Variants in TBC1D4 observed in about 807,000 individuals in gnomAD.
The protein encoded by TBC1D4 is TBC (Tre-2, BUB2, CDC16) domain-containing protein.
Under a neutral mutation model 142.5 loss-of-function variants are expected in TBC1D4, and 121 were observed. The ratio of observed to expected loss-of-function variants is 0.85; its 90% CI spans 0.73 to 0.99. The LOEUF (loss-of-function observed/expected upper bound fraction) is 0.99. Among genes scored for constraint, TBC1D4 ranks in the 50% least tolerant of loss-of-function variants. The pLI is 0.00. For missense variants in TBC1D4, 1,475 were observed against 1,606.6 expected (o/e 0.92, Z 1.40); for synonymous variants, 630 against 628.2 (o/e 1.00, Z -0.04).
intron 1 of TBC1D4, among the ~76,000 whole-genome samples, chr13:75,442,476 T>C (rs1041520647): frequency 3.3e-5 from 5 of 152,054 alleles, no homozygotes; most frequent in African/African-American, 1.2e-4. Flanking sequence ...TGGAATCATA[T>C]AGTCTAAAAC....
At chr13:75,455,582 C>G (rs942604778) in intron 1 of TBC1D4, among the ~76,000 whole-genome samples, 5 of 151,964 alleles carry the variant, frequency 3.3e-5, no homozygotes, top group African/African-American at 1.2e-4. Flanking sequence ...AAAATATATA[C>G]TTTTTTTAAT....
chr13:75,377,592 G>A (rs917471702), intron 1 of TBC1D4, among the ~76,000 whole-genome samples: 25 of 151,090 alleles, frequency 1.7e-4, no homozygotes, highest in South Asian at 2.1e-4. Context: ...CAAGACATTC[G>A]GTTACTCTAC....
At chr13:75,295,324 G>C (rs1018664327) in intron 17 of TBC1D4, among the ~76,000 whole-genome samples, 1 of 152,096 alleles carries the variant, frequency 6.6e-6, no homozygotes, top group Non-Finnish European at 1.5e-5. Flanking sequence ...AATTTAATGA[G>C]AACAGTCCTG....
intron 5 of TBC1D4, among the ~76,000 whole-genome samples, chr13:75,346,837 A>T (rs977490355): frequency 6.6e-6 from 1 of 152,162 alleles, no homozygotes; most frequent in East Asian, 1.9e-4. Flanking sequence ...TTATTAAGCA[A>T]ATTATTTTTT....
chr13:75,291,975 C>A, intron 19 of TBC1D4, 127 bp downstream of exon 19: 1 of 818,324 alleles, frequency 1.2e-6, no homozygotes, highest in Non-Finnish European at 1.8e-6. Flanking sequence ...CACAATAGTC[C>A]CCTTTCTAAA....
intron 1 of TBC1D4, among the ~76,000 whole-genome samples, chr13:75,363,422 A>C (rs549425394): frequency 6.6e-6 from 1 of 152,306 alleles, no homozygotes; most frequent in Non-Finnish European, 1.5e-5. Context: ...TATCTATTCA[A>C]AGTCACCCCT....
intron 18 of TBC1D4, among the ~76,000 whole-genome samples, chr13:75,292,694 T>C (rs368209711): frequency 8.6e-5 from 13 of 150,504 alleles, no homozygotes; most frequent in Middle Eastern, 3.5e-3. Context: ...GAACCAGCTA[T>C]GTAATTAAAT....
Position 75,476,494 on chromosome 13 carries a change from C to T in TBC1D4, c.498+4776G>A, listed in dbSNP as rs1427431568. Among the ~76,000 whole-genome samples the T allele has an allele frequency of 2.0e-5, 3 of 152,172 alleles. 1 individual carries two copies. Among genetic ancestry groups the T allele is most frequent in the African/African-American group, 7.2e-5 (3 of 41,446 alleles). On this transcript the variant is annotated intron_variant, in intron 1 of 20. Coordinates refer to ENST00000377636, the MANE Select transcript of TBC1D4 (RefSeq NM_014832.5). ...CCCTCAAAATGAACTGTTTATTCCA[C>T]CTGCAGAACTTAAAACTTTTGGCTG...
At chr13:75,340,505 AATAG>A (rs1880593866) in intron 7 of TBC1D4, among the ~76,000 whole-genome samples, 1 of 152,246 alleles carries the variant, frequency 6.6e-6, no homozygotes, top group African/African-American at 2.4e-5. Flanking sequence ...GAAATAAAAT[AATAG>A]ATTAATATAA....
intron 1 of TBC1D4, among the ~76,000 whole-genome samples, chr13:75,367,281 TAA>T (rs1438082565): frequency 1.3e-5 from 2 of 152,200 alleles, no homozygotes; most frequent in South Asian, 2.1e-4. Context: ...ATTATGGATA[TAA>T]GAGAAGATTA....
Position 75,375,601 on chromosome 13 carries a change from C to T in TBC1D4, c.499-12994G>A, listed in dbSNP as rs1176481396. ...CTGTTTTCATCATGGTACTTCATCG[C>T]TTGTCATTAAATATCAAAGGTGCAG... On this transcript the variant is annotated intron_variant, in intron 1 of 20. Coordinates refer to ENST00000377636, the MANE Select transcript of TBC1D4 (RefSeq NM_014832.5). 3.3e-5 allele frequency: 5 copies of T among 152,048 alleles called. No individual in the cohort carries two copies. In the East Asian group the frequency reaches 9.6e-4, roughly 29 times the overall value. The allele number at this position is 152,048 out of a possible 1,614,324, so 9.4% of individuals were successfully genotyped here.
intron 12 of TBC1D4, among the ~76,000 whole-genome samples, chr13:75,318,686 G>A (rs1411451785): frequency 6.6e-6 from 1 of 152,116 alleles, no homozygotes; most frequent in African/African-American, 2.4e-5. Context: ...TACTAATTAA[G>A]TAAAATTGAG....
chr13:75,359,641 C>T, intron 3 of TBC1D4, 128 bp downstream of exon 3: 1 of 753,802 alleles, frequency 1.3e-6, no homozygotes, highest in Non-Finnish European at 2.2e-6. Context: ...AGACAAATTC[C>T]CTTTAAGAAT....
intron 1 of TBC1D4, among the ~76,000 whole-genome samples, chr13:75,468,028 T>C (rs933628527): frequency 2.0e-5 from 3 of 152,210 alleles, no homozygotes; most frequent in Admixed American, 6.5e-5. Context: ...CCCTTTTTGA[T>C]TTCAAAAAGC....
chr13:75,312,576 T>C (rs771574610), intron 13 of TBC1D4, among the ~76,000 whole-genome samples, 162 bp downstream of exon 13: 4 of 152,172 alleles, frequency 2.6e-5, no homozygotes, highest in African/African-American at 4.8e-5. Flanking sequence ...ATTGAATGCC[T>C]AATGTTTTCT....
intron 1 of TBC1D4, among the ~76,000 whole-genome samples, chr13:75,458,558 G>T (rs1036773811): frequency 1.3e-5 from 2 of 152,096 alleles, no homozygotes; most frequent in Admixed American, 1.3e-4. Flanking sequence ...ATGGGGAACC[G>T]CCCTCTTTTA....
At chr13:75,353,963 C>CCA (rs1388175185) in intron 4 of TBC1D4, among the ~76,000 whole-genome samples, 1 of 152,136 alleles carries the variant, frequency 6.6e-6, no homozygotes, top group Non-Finnish European at 1.5e-5. Flanking sequence ...CTACTGTGAG[C>CCA]CACAGTGGGC....
intron 1 of TBC1D4, among the ~76,000 whole-genome samples, chr13:75,410,014 T>C (rs1459843366): frequency 6.6e-6 from 1 of 152,340 alleles, no homozygotes; most frequent in African/African-American, 2.4e-5. Flanking sequence ...TTTGTTTATC[T>C]TAACCAAATT....
At chr13:75,365,554 A>G (rs1882860779) in intron 1 of TBC1D4, among the ~76,000 whole-genome samples, 1 of 152,204 alleles carries the variant, frequency 6.6e-6, no homozygotes. Context: ...GAGAAATAAA[A>G]TTTCTATCAA....
Sources: allele counts gnomAD v4.1 joint callset (sites outside exome capture counted in the v4.1 genomes callset), GRCh38; gene constraint gnomAD v4.1.1; transcripts MANE v1.5; gene names NCBI Gene and HGNC (gene_info 2026-07-23, HGNC 2026-07-21).